Variants in OR2T33 observed in about 807,000 individuals in gnomAD.
OR2T33 encodes olfactory receptor family 2 subfamily T member 33, also known as olfactory receptor 2T33.
OR2T33 carries 10 observed loss-of-function variants against 14.0 expected under a neutral mutation model. The observed-to-expected ratio is 0.72, with a 90% CI of 0.44 to 1.22. The LOEUF (loss-of-function observed/expected upper bound fraction) is 1.22. Ranked by LOEUF, OR2T33 falls within the 50% of genes most tolerant of loss-of-function variation. OR2T33 has a pLI of 0.00. For missense variants in OR2T33, 276 were observed against 405.9 expected, an observed-to-expected ratio of 0.68 and a Z score of 2.75; for synonymous variants, 103 against 159.4, an observed-to-expected ratio of 0.65 and a Z score of 2.66.
chr1:248,273,333 G>A lies in OR2T33; in HGVS notation c.482C>T (p.Thr161Ile). ...TGCACCACAATATGGGAAGCTCAGG[G>A]TAACAACAGCCTGCAGGAGCCCGTC... ...AADGLLQAVV[T>I]LSFPYCGAHE... Residue 161 changes from threonine to isoleucine, a missense_variant, in exon 2 of 2, where the codon ACC (threonine) becomes ATC (isoleucine). Coordinates refer to ENST00000641220, the MANE Select transcript of OR2T33 (RefSeq NM_001004695.2). 4 of 1,611,794 alleles carry A rather than the reference G, an allele frequency of 2.5e-6. No homozygotes were observed. Among genetic ancestry groups the A allele is most frequent in the African/African-American group, 1.3e-5 (1 of 74,846 alleles).
chr1:248,276,434 C>T (rs749382735), intron 1 of OR2T33, among the ~76,000 whole-genome samples: 12 of 151,772 alleles, frequency 7.9e-5, no homozygotes, highest in African/African-American at 2.2e-4. Context: ...CATATTTTGA[C>T]GTATTCAGAA....
rs1353753154 is a variant in OR2T33, at chr1:248,270,854, C to T, written c.*1998G>A. 1 of 151,666 alleles carries T rather than the reference C, an allele frequency of 6.6e-6. No homozygotes were observed. The highest frequency in any genetic ancestry group is 1.5e-5 in the Non-Finnish European group (1 of 67,916). 9.4% of individuals were successfully genotyped at this position (151,666 alleles called of 1,614,324 possible). A position where few individuals can be genotyped will look rare whatever the true frequency, so the allele number is the denominator to read the frequency against. ...CCATTAAAATAACAAACAGGCTAGC[C>T]AAAAAGCAGGAAAAAATATTTATAG... is the stretch of plus-strand genomic sequence containing the variant. On this transcript the variant is annotated 3_prime_UTR_variant, in exon 2 of 2. Coordinates refer to ENST00000641220, the MANE Select transcript of OR2T33 (RefSeq NM_001004695.2).
intron 1 of OR2T33, among the ~76,000 whole-genome samples, chr1:248,277,004 ATTTC>A (rs1177543266): frequency 6.6e-6 from 1 of 151,658 alleles, no homozygotes; most frequent in Non-Finnish European, 1.5e-5. Flanking sequence ...GCTTATAAAT[ATTTC>A]TTCTTCAAGT....
At position 248,272,959 on chromosome 1, in the gene OR2T33, G is replaced by A. The variant is rs774909657; in HGVS notation, c.856C>T (p.Leu286Phe). The A allele has an allele frequency of 3.1e-6, 5 of 1,614,090 alleles. No homozygotes were observed. The highest frequency in any genetic ancestry group is 4.2e-6 in the Non-Finnish European group (5 of 1,180,026). ...YTMFTPLLNPLIYSVKNSEVK... is the reference protein window; with the variant it reads ...YTMFTPLLNPFIYSVKNSEVK... ...TCACTGTTCTTCACACTGTAGATGA[G>A]GGGGTTTAGTAAAGGGGTGAACATA... Residue 286 changes from leucine (L) to phenylalanine (F), a missense_variant, in exon 2 of 2, where the codon CTC becomes TTC. Physicochemically the swap from Leu to Phe is conservative, Grantham distance 22. Transcript: ENST00000641220.
chr1:248,277,544 C>T (rs1006714197), intron 1 of OR2T33, among the ~76,000 whole-genome samples: 1 of 152,022 alleles, frequency 6.6e-6, no homozygotes, highest in African/African-American at 2.4e-5. Flanking sequence ...GAATTTTTGG[C>T]TTTTTGGTTC....
rs1659353824 is a variant in OR2T33 at position 248,270,368 on chromosome 1, T to C, written c.*2484A>G. On this transcript the variant is annotated 3_prime_UTR_variant, in exon 2 of 2. Transcript: ENST00000641220. ...CACCAACATGACACATGTATGCATA[T>C]GTAACAAACCTGCACGTTGTGCACA... The C allele has an allele frequency of 6.6e-6, 1 of 152,188 alleles. No individual in the cohort carries two copies. The highest frequency in any genetic ancestry group is 2.1e-4 in the South Asian group (1 of 4,830). 9.4% of individuals were successfully genotyped at this position (152,188 alleles called of 1,614,324 possible).
In OR2T33 at chr1:248,273,382, A is replaced by G; in HGVS notation, c.433T>C (p.Ser145Pro). Residue 145 changes from serine to proline, a missense_variant, in exon 2 of 2, where the codon TCG (serine) becomes CCG (proline). Coordinates refer to ENST00000641220, the MANE Select transcript of OR2T33 (RefSeq NM_001004695.2). ...TCAGCTGCACCCAGGAGCCAACACG[A>G]CATGGTCATCCTCAGGCACAGCTGC... ...SWQLCLRMTM[S>P]CWLLGAADGL... 6.2e-7 allele frequency: 1 copy of G among 1,612,304 alleles called. No individual in the cohort carries two copies. The highest frequency in any genetic ancestry group is 8.5e-7 in the Non-Finnish European group (1 of 1,179,924).
At chr1:248,274,178 G>A (rs981171735) in intron 1 of OR2T33, among the ~76,000 whole-genome samples, 2 of 152,054 alleles carry the variant, frequency 1.3e-5, no homozygotes, top group African/African-American at 4.8e-5. Context: ...GAAAAAGGAA[G>A]GAAACACTGA....
In OR2T33 at chr1:248,273,512, G is replaced by A. The variant is rs139817475; in HGVS notation, c.303C>T (p.Phe101=). The stretch of plus-strand genomic sequence containing the variant: ...ACTCTCCACCACCCAGTGTGGGGAG[G>A]AAGAAGATCTGCACACCACAGCCAG... ...SRAGCGVQIF[F]LPTLGGGECF... Residue 101 remains phenylalanine, a synonymous_variant, in exon 2 of 2, where the codon TTC becomes TTT. Transcript: ENST00000641220. The A allele has an allele frequency of 2.7e-4, 440 of 1,608,616 alleles. No homozygotes were observed. In the African/African-American group the frequency reaches 4.7e-3, roughly 17 times the overall value.
intron 1 of OR2T33, among the ~76,000 whole-genome samples, chr1:248,277,526 T>G (rs147970498): frequency 4.9e-4 from 75 of 152,232 alleles, no homozygotes; most frequent in African/African-American, 1.7e-3. Context: ...ATTAACAACT[T>G]TATTCAAGAA....
chr1:248,276,872 T>G (rs1418411432), intron 1 of OR2T33, among the ~76,000 whole-genome samples: 4 of 151,942 alleles, frequency 2.6e-5, no homozygotes. Flanking sequence ...ATCCAATGTA[T>G]TTTTTGAATA....
In OR2T33 at chr1:248,273,968, C is replaced by G. The variant is rs1193024101; in HGVS notation, c.-8-146G>C. On this transcript the variant is annotated intron_variant, in intron 1 of 1. Coordinates refer to ENST00000641220, the MANE Select transcript of OR2T33 (RefSeq NM_001004695.2). ...AAGCCCTAACTCCCAGTGAGCATGG[C>G]TTTTCCTGACCTGGCATTCACTTCT... is the stretch of plus-strand genomic sequence containing the variant. The G allele has an allele frequency of 4.3e-6, 5 of 1,151,028 alleles. No homozygotes were observed. The African/African-American group carries it at 7.8e-5, about 18-fold the overall frequency. 71.3% of individuals were successfully genotyped at this position (1,151,028 alleles called of 1,614,324 possible).
In OR2T33 at chr1:248,273,620, G is replaced by A. The variant is rs1659411183; in HGVS notation, c.195C>T (p.Ser65=). ...TGGAAACCAGCATCATGTCCATGAG[G>A]GAAAGTTGGCTCAGGAGGAAGTACA... The part of the protein sequence containing the change: ...TPMYFLLSQL[S]LMDMMLVSTT... Residue 65 remains serine (S), a synonymous_variant, in exon 2 of 2, where the codon TCC becomes TCT. Coordinates refer to ENST00000641220, the MANE Select transcript of OR2T33 (RefSeq NM_001004695.2). The A allele has an allele frequency of 6.2e-7, 1 of 1,613,646 alleles. No individual in the cohort carries two copies. The highest frequency in any genetic ancestry group is 1.7e-5 in the Admixed American group (1 of 60,000).
Position 248,271,794 on chromosome 1 carries a change from T to G in OR2T33, c.*1058A>C, listed in dbSNP as rs191339770. 2.9e-4 allele frequency: 44 copies of G among 152,334 alleles called. No homozygotes were observed. In the East Asian group the frequency reaches 7.9e-3, roughly 27 times the overall value. The allele number at this position is 152,334 out of a possible 1,614,324, so 9.4% of individuals were successfully genotyped here. A position where few individuals can be genotyped will look rare whatever the true frequency, so the allele number is the denominator to read the frequency against. On this transcript the variant is annotated 3_prime_UTR_variant, in exon 2 of 2. Transcript: ENST00000641220. ...CATACAGGAAATATAGCCTTTATCA[T>G]AAAACTCTCTAAGACGATTTGATAT... is the stretch of plus-strand genomic sequence containing the variant.
chr1:248,277,551 G>A (rs1022545876), intron 1 of OR2T33, among the ~76,000 whole-genome samples: 1 of 152,018 alleles, frequency 6.6e-6, no homozygotes, highest in African/African-American at 2.4e-5. Context: ...TGGCTTTTTG[G>A]TTCTGGGTAG....
chr1:248,271,878 C>T lies in OR2T33; in HGVS notation c.*974G>A, dbSNP rs911450477. On this transcript the variant is annotated 3_prime_UTR_variant, in exon 2 of 2. Coordinates refer to ENST00000641220, the MANE Select transcript of OR2T33 (RefSeq NM_001004695.2). The stretch of plus-strand genomic sequence containing the variant: ...ACAGCTTTCTGCCATCACTATCTAG[C>T]TTGTGTCTTTATTAATAGAATAGTC... 6.6e-6 allele frequency: 1 copy of T among 152,126 alleles called. No homozygotes were observed. The highest frequency in any genetic ancestry group is 1.5e-5 in the Non-Finnish European group (1 of 68,014). The allele number at this position is 152,126 out of a possible 1,614,324, so 9.4% of individuals were successfully genotyped here.
chr1:248,270,302 G>A lies in OR2T33; in HGVS notation c.*2550C>T, dbSNP rs1235373190. ...GGGAAGCGGGGAGGGATAGCACTAG[G>A]AGATATACCTAATGTAAATGATGAG... On this transcript the variant is annotated 3_prime_UTR_variant, in exon 2 of 2. Transcript: ENST00000641220. 1 of 152,138 alleles carries A rather than the reference G, an allele frequency of 6.6e-6. No homozygotes were observed. The highest frequency in any genetic ancestry group is 1.5e-5 in the Non-Finnish European group (1 of 68,050). The allele number at this position is 152,138 out of a possible 1,614,324, so 9.4% of individuals were successfully genotyped here.
chr1:248,275,749 T>A (rs1259631693), intron 1 of OR2T33, among the ~76,000 whole-genome samples: 1 of 128,830 alleles, frequency 7.8e-6, no homozygotes, highest in African/African-American at 2.7e-5. Flanking sequence ...AAAAAAAAAA[T>A]CACCTGTGTC....
chr1:248,274,152 G>T (rs1300460835), intron 1 of OR2T33, among the ~76,000 whole-genome samples: 2 of 151,990 alleles, frequency 1.3e-5, no homozygotes, highest in Non-Finnish European at 2.9e-5. Context: ...TTGTGTTTTT[G>T]TTATGTATAC....
Sources: allele counts gnomAD v4.1 joint callset (sites outside exome capture counted in the v4.1 genomes callset), GRCh38; gene constraint gnomAD v4.1.1; transcripts MANE v1.5; gene names NCBI Gene and HGNC (gene_info 2026-07-23, HGNC 2026-07-21).